The following CA10 variants were observed in gnomAD, a reference collection of about 807,000 sequenced individuals.
CA10 encodes carbonic anhydrase 10 (inactive).
In CA10, 14 loss-of-function variants were observed where a neutral mutation model predicts 44.2. That is an observed-to-expected ratio of 0.32 (90% CI 0.21 to 0.50). The LOEUF is 0.50. CA10 is among the 20% of genes least tolerant of loss of function. The pLI is 0.99. For synonymous variants in CA10, 159 were observed against 141.6 expected (o/e 1.12, Z -0.87); for missense variants, 350 against 409.7 (o/e 0.85, Z 1.26).
intron 3 of CA10, among the ~76,000 whole-genome samples, chr17:51,890,786 G>T (rs1346443327): frequency 6.6e-6 from 1 of 152,172 alleles, no homozygotes; most frequent in East Asian, 1.9e-4. Context: ...AGCAAAAGCT[G>T]CCTTTATTCT....
chr17:52,098,735 A>G lies in CA10; in HGVS notation c.62-26342T>C, dbSNP rs765023971. On this transcript the variant is annotated intron_variant, in intron 1 of 8. Transcript: ENST00000451037. Reference sequence around the variant, plus strand: ...TACCTACCTGTTCCTCTACCGGGCCAGTCCATAGAGAAGGTATACCTAGCA... The same window carrying G: ...TACCTACCTGTTCCTCTACCGGGCCGGTCCATAGAGAAGGTATACCTAGCA... Among the ~76,000 whole-genome samples, 30 of 152,190 alleles carry G rather than the reference A, an allele frequency of 2.0e-4. 1 individual carries two copies. The highest frequency in any genetic ancestry group is 4.3e-4 in the Non-Finnish European group (29 of 68,032).
At position 51,923,694 on chromosome 17, in the gene CA10, C is replaced by A. The variant is rs374389079; in HGVS notation, c.279+7296G>T. On this transcript the variant is annotated intron_variant, in intron 3 of 8. Transcript: ENST00000451037. ...AGAGAAGTGATAAGATTTTAAATAC[C>A]AAACCAATTCACATTTCTTATTTTT... is the stretch of plus-strand genomic sequence containing the variant. Among the ~76,000 whole-genome samples, 6 of 152,050 alleles carry A rather than the reference C, an allele frequency of 3.9e-5. No individual in the cohort carries two copies. In the East Asian group the frequency reaches 5.8e-4, roughly 15 times the overall value.
chr17:51,791,433 G>A (rs1906515141), intron 3 of CA10, among the ~76,000 whole-genome samples: 1 of 152,228 alleles, frequency 6.6e-6, no homozygotes, highest in African/African-American at 2.4e-5. Flanking sequence ...CTGGTGCACA[G>A]TGGGTGTTCA....
intron 2 of CA10, among the ~76,000 whole-genome samples, chr17:52,025,270 C>T (rs1003533090): frequency 6.6e-6 from 1 of 152,110 alleles, no homozygotes; most frequent in African/African-American, 2.4e-5. Flanking sequence ...TAAACAGGGT[C>T]TCTGTGACAT....
intron 2 of CA10, among the ~76,000 whole-genome samples, chr17:52,070,735 C>A (rs550438656): frequency 6.6e-6 from 1 of 151,902 alleles, no homozygotes; most frequent in Non-Finnish European, 1.5e-5. Context: ...AAGCAACAAC[C>A]AACTCAAAAT....
intron 4 of CA10, among the ~76,000 whole-genome samples, chr17:51,670,476 G>A (rs1255038120): frequency 6.6e-6 from 1 of 152,044 alleles, no homozygotes; most frequent in Admixed American, 6.5e-5. Context: ...TGATTGATTG[G>A]GTCCGCATTC....
At chr17:51,926,257 C>T (rs1050968723) in intron 3 of CA10, among the ~76,000 whole-genome samples, 1 of 152,092 alleles carries the variant, frequency 6.6e-6, no homozygotes, top group Non-Finnish European at 1.5e-5. Context: ...AAGGTGCTCT[C>T]ACAAATCTAA....
intron 4 of CA10, among the ~76,000 whole-genome samples, chr17:51,713,599 G>A: frequency 6.6e-6 from 1 of 152,298 alleles, no homozygotes; most frequent in African/African-American, 2.4e-5. Flanking sequence ...AGAGCAAAGG[G>A]TAGAGTGTGG....
At chr17:51,884,366 C>T (rs1425199710) in intron 3 of CA10, among the ~76,000 whole-genome samples, 3 of 152,284 alleles carry the variant, frequency 2.0e-5, no homozygotes, top group South Asian at 4.1e-4. Context: ...CACCTCATTG[C>T]CCTCTACTCC....
intron 4 of CA10, among the ~76,000 whole-genome samples, chr17:51,703,072 T>C (rs1366980057): frequency 1.3e-5 from 2 of 152,138 alleles, no homozygotes; most frequent in Non-Finnish European, 2.9e-5. Flanking sequence ...AGACTGAAGC[T>C]CAGGGAGGTT....
intron 1 of CA10, among the ~76,000 whole-genome samples, chr17:52,083,392 G>A (rs1016521883): frequency 1.1e-4 from 17 of 152,060 alleles, no homozygotes; most frequent in East Asian, 9.6e-4. Context: ...CACTTTGGGC[G>A]AATTATTTCA....
intron 3 of CA10, among the ~76,000 whole-genome samples, chr17:51,751,848 A>G (rs1044653617): frequency 8.5e-5 from 13 of 152,212 alleles, no homozygotes; most frequent in African/African-American, 3.1e-4. Context: ...CCTTCTGCAT[A>G]CATGGCTCTG....
chr17:51,863,963 C>T (rs62063225), intron 3 of CA10, among the ~76,000 whole-genome samples: 19,145 of 152,168 alleles, frequency 0.13, 1,548 homozygotes, highest in African/African-American at 0.24. Context: ...CCATGATTCA[C>T]TGGCCATCAA....
intron 3 of CA10, among the ~76,000 whole-genome samples, chr17:51,831,258 C>G (rs748926287): frequency 6.6e-6 from 1 of 152,302 alleles, no homozygotes; most frequent in Admixed American, 6.5e-5. Flanking sequence ...TCTCTCTGGC[C>G]CTCATGGAGA....
intron 3 of CA10, among the ~76,000 whole-genome samples, chr17:51,905,098 C>A (rs1175368758): frequency 6.6e-6 from 1 of 152,152 alleles, no homozygotes; most frequent in African/African-American, 2.4e-5. Flanking sequence ...AGTAAATTCT[C>A]TATATTCTCT....
chr17:52,120,078 TA>T (rs975842580), intron 1 of CA10, among the ~76,000 whole-genome samples: 4 of 152,314 alleles, frequency 2.6e-5, no homozygotes, highest in African/African-American at 9.6e-5. Context: ...CCAAGGGAGC[TA>T]ACCAAAGTCA....
At chr17:51,786,076 T>G (rs759664944) in intron 3 of CA10, among the ~76,000 whole-genome samples, 8 of 152,228 alleles carry the variant, frequency 5.3e-5, no homozygotes, top group Non-Finnish European at 1.0e-4. Context: ...TTGTGGCTAT[T>G]GTAAATAAGA....
intron 3 of CA10, among the ~76,000 whole-genome samples, chr17:51,911,508 T>C (rs1269819590): frequency 6.6e-6 from 1 of 152,138 alleles, no homozygotes; most frequent in East Asian, 1.9e-4. Context: ...TGTATTGCAA[T>C]AGGCCCTGGT....
chr17:51,652,631 C>A (rs1206402723), intron 5 of CA10, among the ~76,000 whole-genome samples: 1 of 152,120 alleles, frequency 6.6e-6, no homozygotes, highest in African/African-American at 2.4e-5. Context: ...GCATGGATGA[C>A]CAGGGAGGGT....
Sources: allele counts gnomAD v4.1 joint callset (sites outside exome capture counted in the v4.1 genomes callset), GRCh38; gene constraint gnomAD v4.1.1; transcripts MANE v1.5; gene names NCBI Gene and HGNC (gene_info 2026-07-23, HGNC 2026-07-21).